CDH7: variants seen among roughly 807,000 people sequenced by gnomAD.
CDH7 encodes cadherin 7.
Under a neutral mutation model 71.8 loss-of-function variants are expected in CDH7, and 25 were observed. The observed-to-expected ratio is 0.35, with a 90% confidence interval of 0.25 to 0.49. The LOEUF is 0.49. Among genes scored for constraint, CDH7 ranks in the 20% least tolerant of loss-of-function variants. The pLI, the probability that CDH7 is intolerant of heterozygous loss-of-function variation, is 0.99. For synonymous variants in CDH7, 381 were observed against 363.8 expected (o/e 1.05, Z -0.54); for missense variants, 862 against 974.6 (o/e 0.88, Z 1.54).
chr18:65,856,078 C>G (rs1420869081), intron 7 of CDH7, among the ~76,000 whole-genome samples: 1 of 152,062 alleles, frequency 6.6e-6, no homozygotes, highest in Non-Finnish European at 1.5e-5. Context: ...CATTTGGCAG[C>G]ACCAACTCAC....
intron 2 of CDH7, among the ~76,000 whole-genome samples, chr18:65,796,471 G>T (rs1164835308): frequency 1.3e-5 from 2 of 152,158 alleles, no homozygotes; most frequent in Admixed American, 6.5e-5. Context: ...GCCTTGTGCA[G>T]TTCCTGGGAT....
intron 2 of CDH7, among the ~76,000 whole-genome samples, chr18:65,769,811 G>A (rs1016350599): frequency 6.6e-6 from 1 of 152,112 alleles, no homozygotes; most frequent in Admixed American, 6.6e-5. Context: ...TTTTTGGCAA[G>A]TATAAGACAG....
At chr18:65,817,418 C>T (rs977571346) in intron 4 of CDH7, among the ~76,000 whole-genome samples, 4 of 152,146 alleles carry the variant, frequency 2.6e-5, no homozygotes, top group African/African-American at 7.2e-5. Context: ...TCTTCATTTG[C>T]TGCCAGCACT....
chr18:65,847,313 T>A (rs113414811), intron 7 of CDH7, among the ~76,000 whole-genome samples: 2,587 of 152,296 alleles, frequency 0.017, 68 homozygotes, highest in African/African-American at 0.054. Flanking sequence ...AAGCATTATT[T>A]GTTTTGTTGT....
chr18:65,771,154 C>G (rs1018443775), intron 2 of CDH7, among the ~76,000 whole-genome samples: 1 of 152,094 alleles, frequency 6.6e-6, no homozygotes, highest in African/African-American at 2.4e-5. Context: ...GACATACCTA[C>G]AAATCAGTCA....
In CDH7 at chr18:65,782,037, C is replaced by T. The variant is rs376608188; in HGVS notation, c.210+18985C>T. On this transcript the variant is annotated intron_variant, in intron 2 of 11. Transcript: ENST00000397968. ...TTCTCTCTCTCTTTCTCCCTTCCTT[C>T]CTTCCTTCCTTCCTTCCTTCCTTCC... Among the ~76,000 whole-genome samples, 19 of 43,598 alleles carry T rather than the reference C, an allele frequency of 4.4e-4. 4 individuals carry two copies. The highest frequency in any genetic ancestry group is 7.5e-4 in the African/African-American group (3 of 4,018). The allele number at this position is 43,598 out of a possible 152,430, so 28.6% of individuals were successfully genotyped here. A position where few individuals can be genotyped will look rare whatever the true frequency, so the allele number is the denominator to read the frequency against.
intron 2 of CDH7, among the ~76,000 whole-genome samples, chr18:65,771,495 A>G (rs1246631943): frequency 6.6e-6 from 1 of 151,730 alleles, no homozygotes; most frequent in Non-Finnish European, 1.5e-5. Context: ...TAAAAATAAA[A>G]TAAAAATAAA....
At chr18:65,768,081 C>T (rs1194248520) in intron 2 of CDH7, among the ~76,000 whole-genome samples, 1 of 152,156 alleles carries the variant, frequency 6.6e-6, no homozygotes. Flanking sequence ...CTCCACATTT[C>T]CTGATTGTCT....
intron 2 of CDH7, among the ~76,000 whole-genome samples, chr18:65,780,002 G>A (rs1275523409): frequency 9.2e-6 from 1 of 109,256 alleles, no homozygotes; most frequent in African/African-American, 5.8e-5. Flanking sequence ...CATTCTAACT[G>A]GTGTGAGATT....
chr18:65,869,383 C>A (rs1423945630), intron 11 of CDH7, among the ~76,000 whole-genome samples: 1 of 151,952 alleles, frequency 6.6e-6, no homozygotes, highest in Non-Finnish European at 1.5e-5. Flanking sequence ...AGACTAAAAT[C>A]ACAGACTCTC....
At chr18:65,787,285 A>G (rs748298237) in intron 2 of CDH7, among the ~76,000 whole-genome samples, 2 of 152,220 alleles carry the variant, frequency 1.3e-5, no homozygotes, top group Non-Finnish European at 2.9e-5. Flanking sequence ...AAGAAGGATT[A>G]TTAGAACTTG....
chr18:65,832,620 T>C (rs1912390909), intron 6 of CDH7, among the ~76,000 whole-genome samples: 1 of 152,042 alleles, frequency 6.6e-6, no homozygotes, highest in Non-Finnish European at 1.5e-5. Context: ...GCAAATGCTA[T>C]TCCTTGACCA....
intron 2 of CDH7, among the ~76,000 whole-genome samples, chr18:65,770,340 G>T (rs1916505904): frequency 6.6e-6 from 1 of 152,016 alleles, no homozygotes; most frequent in Non-Finnish European, 1.5e-5. Flanking sequence ...TAATTGTTTT[G>T]CATTGTGAGG....
Position 65,762,860 on chromosome 18 carries a change from G to A in CDH7, c.18G>A (p.Val6=), listed in dbSNP as rs1175453226. 5.0e-6 allele frequency: 8 copies of A among 1,611,942 alleles called. No individual in the cohort carries two copies. The highest frequency in any genetic ancestry group is 1.8e-4 in the Middle Eastern group (1 of 5,570). MKLGK[V]EFCHFLQLIA... ...AAAAAAAGATGAAGTTGGGCAAAGTGGAGTTCTGCCATTTTCTGCAGCTAA... is the reference window on the plus strand; with the variant it reads ...AAAAAAAGATGAAGTTGGGCAAAGTAGAGTTCTGCCATTTTCTGCAGCTAA... Residue 6 remains valine, a synonymous_variant, in exon 2 of 12, where the codon GTG becomes GTA. Coordinates refer to ENST00000397968, the MANE Select transcript of CDH7 (RefSeq NM_004361.5).
At chr18:65,766,486 C>T (rs952948835) in intron 2 of CDH7, among the ~76,000 whole-genome samples, 7 of 152,044 alleles carry the variant, frequency 4.6e-5, no homozygotes, top group African/African-American at 9.7e-5. Context: ...AGGAACCACC[C>T]GGGCTCAGAC....
At chr18:65,784,134 T>TTTTTTG (rs1910423354) in intron 2 of CDH7, among the ~76,000 whole-genome samples, 1 of 139,882 alleles carries the variant, frequency 7.1e-6, no homozygotes, top group African/African-American at 2.9e-5. Context: ...TTTTTTTTTG[T>TTTTTTG]AGAGATTGGG....
In CDH7 at chr18:65,824,949, G is replaced by A. The variant is rs572248032; in HGVS notation, c.981+118G>A. 1.4e-4 allele frequency: 85 copies of A among 604,542 alleles called. No homozygotes were observed. In the African/African-American group the frequency reaches 1.5e-3, roughly 11 times the overall value. The allele number at this position is 604,542 out of a possible 1,614,324, so 37.4% of individuals were successfully genotyped here. ...TGGGACCATTACTATTTTAATTTTA[G>A]TAAGATAAGCTATACATTTAATTTT... On this transcript the variant is annotated intron_variant, in intron 6 of 11. Transcript: ENST00000397968.
At chr18:65,804,240 C>T (rs1051078361) in intron 2 of CDH7, among the ~76,000 whole-genome samples, 3 of 152,038 alleles carry the variant, frequency 2.0e-5, no homozygotes, top group Non-Finnish European at 4.4e-5. Context: ...CTTTATGAAT[C>T]CCATTCCACT....
In CDH7 at chr18:65,889,923, A is replaced by C. The variant is rs1914461983; in HGVS notation, c.*9029A>C. The C allele has an allele frequency of 6.6e-6, 1 of 152,078 alleles. No individual in the cohort carries two copies. Among genetic ancestry groups the C allele is most frequent in the South Asian group, 2.1e-4 (1 of 4,816 alleles). 9.4% of individuals were successfully genotyped at this position (152,078 alleles called of 1,614,324 possible). A position where few individuals can be genotyped will look rare whatever the true frequency, so the allele number is the denominator to read the frequency against. On this transcript the variant is annotated 3_prime_UTR_variant, in exon 12 of 12. Transcript: ENST00000397968. ...GTTAATCAGAATTCTAGAATGTTCC[A>C]TTGCCTTATGTGACACCTCCACTGC...
Sources: gnomAD v4.1 joint callset for allele counts (sites outside exome capture counted in the v4.1 genomes callset) on GRCh38, gnomAD v4.1.1 for gene constraint, MANE v1.5 for transcripts, NCBI Gene and HGNC (gene_info 2026-07-23, HGNC 2026-07-21) for gene names.